FBXO3: variants seen among roughly 807,000 people sequenced by gnomAD.
FBXO3 encodes the protein F-box only protein 3.
In FBXO3, 17 loss-of-function variants were observed where a neutral mutation model predicts 64.8. That is an observed-to-expected ratio of 0.26 (90% confidence interval 0.18 to 0.39). The LOEUF is 0.39. FBXO3 is among the 10% of genes least tolerant of loss of function. FBXO3 has a pLI of 1.00. For synonymous variants in FBXO3, 182 were observed against 201.6 expected, an observed-to-expected ratio of 0.90 and a Z score of 0.82; for missense variants, 420 against 589.9, an observed-to-expected ratio of 0.71 and a Z score of 2.98.
At chr11:33,745,057 A>C (rs1354854119) in intron 10 of FBXO3, 1 of 152,144 alleles carries the variant, frequency 6.6e-6, no homozygotes, top group Admixed American at 6.5e-5. Flanking sequence ...GCCAAAACAC[A>C]CCTCAATGCT....
intron 2 of FBXO3, among the ~76,000 whole-genome samples, chr11:33,769,407 A>G (rs1300036515): frequency 3.9e-5 from 6 of 152,176 alleles, no homozygotes; most frequent in African/African-American, 4.8e-5. Context: ...AATCTAACAC[A>G]TATCTACACT....
intron 3 of FBXO3, among the ~76,000 whole-genome samples, chr11:33,766,063 T>C (rs985222652): frequency 6.6e-6 from 1 of 152,224 alleles, no homozygotes; most frequent in Non-Finnish European, 1.5e-5. Flanking sequence ...ACCTCTTTAA[T>C]CCTGTTTCTT....
chr11:33,769,160 G>GAT (rs1459578409), intron 2 of FBXO3, 146 bp from the exon 3 acceptor site: 1 of 639,010 alleles, frequency 1.6e-6, no homozygotes, highest in Non-Finnish European at 2.4e-6. Context: ...AGCAAAAAGT[G>GAT]ATATATACAT....
At position 33,746,451 on chromosome 11, in the gene FBXO3, A is replaced by G. The variant is rs1408194104; in HGVS notation, c.1239+679T>C. 1.7e-5 allele frequency: 8 copies of G among 480,060 alleles called. No homozygotes were observed. In the Middle Eastern group the frequency reaches 1.7e-3, roughly 104 times the overall value. The allele number at this position is 480,060 out of a possible 1,614,324, so 29.7% of individuals were successfully genotyped here. On this transcript the variant is annotated intron_variant, in intron 10 of 10. Transcript: ENST00000265651. ...TCTGGATCAGATTAATATCATGTCC[A>G]TCTTTCCAAACTTAAACCCATCCAT...
At chr11:33,745,726 TA>T (rs1854798644) in intron 10 of FBXO3, 2 of 152,032 alleles carry the variant, frequency 1.3e-5, no homozygotes, top group African/African-American at 2.4e-5. Flanking sequence ...ACTTCTACCT[TA>T]AAAAAGCTAG....
intron 8 of FBXO3, among the ~76,000 whole-genome samples, chr11:33,749,674 C>T (rs920568454): frequency 6.6e-6 from 1 of 152,178 alleles, no homozygotes; most frequent in Non-Finnish European, 1.5e-5. Context: ...TGGGATTACA[C>T]TTTGACTCTG....
chr11:33,752,338 A>G, intron 6 of FBXO3, among the ~76,000 whole-genome samples: 1 of 151,926 alleles, frequency 6.6e-6, no homozygotes, highest in South Asian at 2.1e-4. Context: ...ACTCTGTCAG[A>G]CCCCCCATTA....
chr11:33,761,036 A>T (rs1351835716), intron 3 of FBXO3, among the ~76,000 whole-genome samples: 1 of 152,228 alleles, frequency 6.6e-6, no homozygotes, highest in Non-Finnish European at 1.5e-5. Context: ...ATTGGAGTTA[A>T]AGCATTCTAA....
At position 33,747,334 on chromosome 11, in the gene FBXO3, A is replaced by C. The variant is rs1184584371; in HGVS notation, c.1049-14T>G. 6.2e-7 allele frequency: 1 copy of C among 1,601,454 alleles called. No homozygotes were observed. Among genetic ancestry groups the C allele is most frequent in the Non-Finnish European group, 8.5e-7 (1 of 1,172,928 alleles). ...TTGGAAATTCACCTGCAGGGAAAAC[A>C]GTAACAATAAACCAAAGTATAAAAT... On this transcript the variant is annotated splice_polypyrimidine_tract_variant and intron_variant, in intron 9 of 10. Coordinates refer to ENST00000265651, the MANE Select transcript of FBXO3 (RefSeq NM_012175.4).
intron 3 of FBXO3, among the ~76,000 whole-genome samples, chr11:33,758,939 A>C (rs1308229808): frequency 6.8e-6 from 1 of 147,544 alleles, no homozygotes; most frequent in Non-Finnish European, 1.5e-5. Context: ...AAAAAAAAAC[A>C]GCAAAACCCC....
chr11:33,750,488 T>C (rs1303156073), intron 8 of FBXO3, 51 bp downstream of exon 8: 4 of 1,596,792 alleles, frequency 2.5e-6, no homozygotes, highest in African/African-American at 1.3e-5. Flanking sequence ...AACATGTCCA[T>C]TGGATATATC....
intron 6 of FBXO3, among the ~76,000 whole-genome samples, chr11:33,752,826 T>C (rs1854996316): frequency 6.6e-6 from 1 of 152,182 alleles, no homozygotes; most frequent in African/African-American, 2.4e-5. Flanking sequence ...GTATATTTTG[T>C]GGAAAAAAGT....
At chr11:33,761,456 G>T (rs755737208) in intron 3 of FBXO3, among the ~76,000 whole-genome samples, 1 of 152,096 alleles carries the variant, frequency 6.6e-6, no homozygotes, top group Non-Finnish European at 1.5e-5. Context: ...AGGACTTTTC[G>T]TAATAACAAA....
intron 3 of FBXO3, among the ~76,000 whole-genome samples, chr11:33,766,496 G>A (rs1382363071): frequency 2.0e-5 from 3 of 152,194 alleles, no homozygotes; most frequent in African/African-American, 7.2e-5. Flanking sequence ...GTCCCACAAA[G>A]CCTAAAATTT....
intron 6 of FBXO3, 122 bp from the exon 7 acceptor site, chr11:33,751,729 A>T: frequency 1.8e-6 from 1 of 541,852 alleles, no homozygotes; most frequent in East Asian, 3.3e-5. Flanking sequence ...ACATTTATAG[A>T]TATAATTGTA....
Position 33,741,876 on chromosome 11 carries a change from TCATCCTAGTGCTTC to T in FBXO3, c.*18_*31del, listed in dbSNP as rs750298983. The T allele has an allele frequency of 1.4e-5, 22 of 1,592,466 alleles. No homozygotes were observed. In the East Asian group the frequency reaches 4.7e-4, roughly 34 times the overall value. On this transcript the variant is annotated 3_prime_UTR_variant, in exon 11 of 11. Coordinates refer to ENST00000265651, the MANE Select transcript of FBXO3 (RefSeq NM_012175.4). ...GAGAAATCTATTTAACAGCCTAGAA[TCATCCTAGTGCTTC>T]CATCAGCAGAAGGCTTGCTAAAAAA...
At chr11:33,749,520 C>T (rs565734463) in intron 8 of FBXO3, among the ~76,000 whole-genome samples, 91 of 152,252 alleles carry the variant, frequency 6.0e-4, no homozygotes, top group African/African-American at 2.1e-3. Context: ...TGCCACCACA[C>T]CTGGCTAATT....
At chr11:33,768,272 T>C (rs1855424816) in intron 3 of FBXO3, among the ~76,000 whole-genome samples, 1 of 152,178 alleles carries the variant, frequency 6.6e-6, no homozygotes, top group African/African-American at 2.4e-5. Flanking sequence ...CTTGCCAAAA[T>C]TGGACAATAA....
At chr11:33,752,541 A>G (rs946934927) in intron 6 of FBXO3, among the ~76,000 whole-genome samples, 1 of 152,198 alleles carries the variant, frequency 6.6e-6, no homozygotes, top group Non-Finnish European at 1.5e-5. Context: ...AATTTGGCTT[A>G]TATCTAAGGG....
Sources: gnomAD v4.1 joint callset for allele counts (sites outside exome capture counted in the v4.1 genomes callset) on GRCh38, gnomAD v4.1.1 for gene constraint, MANE v1.5 for transcripts, NCBI Gene and HGNC (gene_info 2026-07-23, HGNC 2026-07-21) for gene names.